The following CELF2 variants were observed in gnomAD, a reference collection of about 807,000 sequenced individuals.
The protein encoded by CELF2 is CUGBP Elav-like family member 2.
Under a neutral mutation model 62.6 loss-of-function variants are expected in CELF2, and 8 were observed. That is an observed-to-expected ratio of 0.13 (90% confidence interval 0.07 to 0.23). The LOEUF is 0.23. CELF2 is among the 10% of genes least tolerant of loss of function. The pLI is 1.00. For synonymous variants in CELF2, 258 were observed against 250.0 expected (o/e 1.03, Z -0.30); for missense variants, 333 against 671.0 (o/e 0.50, Z 5.56).
the CELF2 span, among the ~76,000 whole-genome samples, chr10:10,686,952 T>A: frequency 1.3e-5 from 2 of 152,178 alleles, no homozygotes; most frequent in African/African-American, 4.8e-5. Context: ...CTTGATGAAA[T>A]CTTACATAGT....
chr10:10,805,465 T>C (rs576158962), intron 1 of CELF2, among the ~76,000 whole-genome samples: 3 of 152,186 alleles, frequency 2.0e-5, no homozygotes, highest in Non-Finnish European at 2.9e-5. Context: ...TTTTAAAAAT[T>C]TTTTGCAGAG....
chr10:11,094,540 G>A (rs1291822), intron 1 of CELF2, among the ~76,000 whole-genome samples: 94,093 of 152,044 alleles, frequency 0.62, 31,354 homozygotes, highest in African/African-American at 0.86. Context: ...TCGACAATAA[G>A]GCTTCCATAG....
the CELF2 span, among the ~76,000 whole-genome samples, chr10:10,665,401 T>C: frequency 6.6e-6 from 1 of 152,150 alleles, no homozygotes; most frequent in Non-Finnish European, 1.5e-5. Flanking sequence ...AATGTATCCA[T>C]AAATATATAT....
Position 11,157,391 on chromosome 10 carries a change from C to CCG in CELF2, c.75-8094_75-8093insGC, listed in dbSNP as rs1349509880. 8.2e-6 allele frequency among the ~76,000 whole-genome samples: 1 copy of CCG among 121,742 alleles called. No individual in the cohort carries two copies. Among genetic ancestry groups the CCG allele is most frequent in the African/African-American group, 3.1e-5 (1 of 32,720 alleles). The allele number at this position is 121,742 out of a possible 152,430, so 79.9% of individuals were successfully genotyped here. On this transcript the variant is annotated intron_variant, in intron 1 of 12. Coordinates refer to ENST00000633077, the MANE Select transcript of CELF2 (RefSeq NM_001326342.2). The surrounding 1 kb of genome is among the most constrained non-coding windows in gnomAD (Gnocchi z 4.9). ...TTTTGACTTTGATATCCGCCCTCCC[C>CCG]CCACACACACACACACAAAAATTTC...
chr10:11,000,846 G>T (rs772481485), upstream of CELF2, among the ~76,000 whole-genome samples: 8 of 152,210 alleles, frequency 5.3e-5, no homozygotes, highest in African/African-American at 7.2e-5. Flanking sequence ...GGGTCTGGAA[G>T]AAGGATTGCA....
intron 2 of CELF2, among the ~76,000 whole-genome samples, chr10:10,974,924 A>G (rs745735438): frequency 6.6e-6 from 1 of 152,224 alleles, no homozygotes; most frequent in East Asian, 1.9e-4. Context: ...CTATCTTCCC[A>G]TATTGGCAGA....
intron 2 of CELF2, among the ~76,000 whole-genome samples, chr10:10,985,496 C>T (rs561179049): frequency 1.3e-5 from 2 of 152,176 alleles, no homozygotes; most frequent in African/African-American, 2.4e-5. Context: ...CCAACACAGA[C>T]TATTCTTGCA....
chr10:10,795,523 G>A (rs2054092577), upstream of CELF2, among the ~76,000 whole-genome samples: 1 of 152,042 alleles, frequency 6.6e-6, no homozygotes, highest in African/African-American at 2.4e-5. Context: ...TTTTGAACAA[G>A]GCAACATTTC....
chr10:10,753,299 CTGTGTGTGTG>C, the CELF2 span, among the ~76,000 whole-genome samples: 4 of 149,800 alleles, frequency 2.7e-5, no homozygotes, highest in Admixed American at 1.3e-4. Context: ...TTCCAAAGCT[CTGTGTGTGTG>C]TGTGTGTGTG....
In CELF2 at chr10:11,260,778, C is replaced by G. The variant is rs1252806907; in HGVS notation, c.538+2906C>G. ...AACCATTTATCCTGAGAACTGAAGA[C>G]AGACAGTGGTACTTTTTTCAATTCG... On this transcript the variant is annotated intron_variant, in intron 5 of 12. Coordinates refer to ENST00000633077, the MANE Select transcript of CELF2 (RefSeq NM_001326342.2). The surrounding 1 kb of genome is among the most constrained non-coding windows in gnomAD (Gnocchi z 4.2). Among the ~76,000 whole-genome samples the G allele has an allele frequency of 6.6e-6, 1 of 152,034 alleles. No individual in the cohort carries two copies. The highest frequency in any genetic ancestry group is 2.4e-5 in the African/African-American group (1 of 41,376).
chr10:10,921,616 C>T (rs904066776), intron 2 of CELF2, among the ~76,000 whole-genome samples: 1 of 151,870 alleles, frequency 6.6e-6, no homozygotes, highest in African/African-American at 2.4e-5. Context: ...TCTAAATGTG[C>T]AGAAGACATC....
chr10:10,907,596 T>C (rs2063450498), intron 1 of CELF2, among the ~76,000 whole-genome samples: 1 of 152,082 alleles, frequency 6.6e-6, no homozygotes, highest in Non-Finnish European at 1.5e-5. Context: ...TATTCTGTTA[T>C]CTATAATTTA....
intron 2 of CELF2, among the ~76,000 whole-genome samples, chr10:11,188,110 A>G (rs1271179563): frequency 1.3e-5 from 2 of 152,022 alleles, no homozygotes; most frequent in Non-Finnish European, 2.9e-5. Flanking sequence ...AGATCTAGAT[A>G]TATATATTTT....
chr10:10,597,431 C>T, the CELF2 span, among the ~76,000 whole-genome samples: 1 of 152,110 alleles, frequency 6.6e-6, no homozygotes, highest in East Asian at 1.9e-4. Context: ...TTTCAGTGTG[C>T]TGTGGACAGA....
the CELF2 span, among the ~76,000 whole-genome samples, chr10:10,547,299 C>T: frequency 2.0e-5 from 3 of 152,194 alleles, no homozygotes; most frequent in Non-Finnish European, 4.4e-5. Context: ...CCCACAGTGC[C>T]GAATGCCTAA....
chr10:10,777,079 G>C, the CELF2 span, among the ~76,000 whole-genome samples: 1 of 152,104 alleles, frequency 6.6e-6, no homozygotes, highest in Non-Finnish European at 1.5e-5. Context: ...CATCTCTTGT[G>C]TGCCCTCTCT....
intron 1 of CELF2, among the ~76,000 whole-genome samples, chr10:11,079,364 C>T (rs774121081): frequency 2.0e-5 from 3 of 152,198 alleles, no homozygotes; most frequent in African/African-American, 7.2e-5. Context: ...TCAACAAAAA[C>T]GTGCGGAAAA....
At chr10:11,006,331 G>A (rs1427436883) in intron 1 of CELF2, among the ~76,000 whole-genome samples, 1 of 152,110 alleles carries the variant, frequency 6.6e-6, no homozygotes, top group Non-Finnish European at 1.5e-5. Context: ...GCAACTGCTT[G>A]TTTGTGGTTT....
chr10:11,017,981 C>A lies in CELF2; in HGVS notation c.-109C>A. On this transcript the variant is annotated 5_prime_UTR_variant, in exon 1 of 13. Coordinates refer to ENST00000633077, the MANE Select transcript of CELF2 (RefSeq NM_001326342.2). The surrounding 1 kb of genome is among the most constrained non-coding windows in gnomAD (Gnocchi z 5.5). ...ATGTGACAAGTGCCGGCTCGGCGGC[C>A]GCCGGGGGAGGCCGCGCGCACCTGT... 1.0e-6 allele frequency: 1 copy of A among 991,698 alleles called. No individual in the cohort carries two copies. Among genetic ancestry groups the A allele is most frequent in the Non-Finnish European group, 1.2e-6 (1 of 835,294 alleles). 61.4% of individuals were successfully genotyped at this position (991,698 alleles called of 1,614,324 possible).
Sources: gnomAD v4.1 joint callset for allele counts (sites outside exome capture counted in the v4.1 genomes callset) on GRCh38, gnomAD v4.1.1 for gene constraint, Gnocchi (gnomAD v3.1) non-coding constraint, MANE v1.5 for transcripts, NCBI Gene and HGNC (gene_info 2026-07-23, HGNC 2026-07-21) for gene names.